Variants in DNAH7 observed in about 807,000 individuals in gnomAD.
DNAH7 encodes the protein axonemal beta dynein heavy chain 7.
Under a neutral mutation model 444.6 loss-of-function variants are expected in DNAH7, and 397 were observed. The observed-to-expected ratio is 0.89, with a 90% CI of 0.82 to 0.97. DNAH7 has a LOEUF of 0.97. DNAH7 is among the 50% of genes least tolerant of loss of function. The pLI, the probability that DNAH7 is intolerant of heterozygous loss-of-function variation, is 0.00. For synonymous variants in DNAH7, 1,636 were observed against 1,624.4 expected (o/e 1.01, Z -0.17); for missense variants, 4,902 against 4,800.8 (o/e 1.02, Z -0.62).
intron 27 of DNAH7, 105 bp downstream of exon 27, chr2:195,906,554 A>G (rs1687035291): frequency 8.8e-7 from 1 of 1,135,172 alleles, no homozygotes; most frequent in Non-Finnish European, 1.2e-6. Flanking sequence ...TCAGCCTCCT[A>G]AAGTGCTAGG....
At chr2:195,824,013 A>G (rs987372717) in intron 49 of DNAH7, among the ~76,000 whole-genome samples, 5 of 152,234 alleles carry the variant, frequency 3.3e-5, no homozygotes, top group Non-Finnish European at 7.3e-5. Flanking sequence ...TCTAAGAATC[A>G]TATCAATTGT....
intron 63 of DNAH7, among the ~76,000 whole-genome samples, chr2:195,743,873 C>T (rs142923013): frequency 4.3e-4 from 65 of 152,262 alleles, no homozygotes; most frequent in African/African-American, 1.4e-3. Context: ...AAGCCTGCAC[C>T]GGACACCTTT....
chr2:195,979,075 A>C (rs1190017574), intron 15 of DNAH7, among the ~76,000 whole-genome samples: 3 of 152,282 alleles, frequency 2.0e-5, no homozygotes, highest in South Asian at 2.1e-4. Context: ...TCATACAAAA[A>C]AATAAACAAA....
At chr2:196,011,620 T>C (rs73987657) in intron 10 of DNAH7, among the ~76,000 whole-genome samples, 6,514 of 152,198 alleles carry the variant, frequency 0.043, 321 homozygotes, top group African/African-American at 0.12. Flanking sequence ...TAATTGTTTC[T>C]CCTCTGTGAG....
rs565911678 is a variant in DNAH7 at position 195,793,003 on chromosome 2, C to T, written c.10716+1335G>A. ...GGAGTGCAGTGGGATGATCATGGCT[C>T]ACTGCAGCCTTAAACTCCTGGGCTC... On this transcript the variant is annotated intron_variant, in intron 57 of 64. Coordinates refer to ENST00000312428, the MANE Select transcript of DNAH7 (RefSeq NM_018897.3). 8.5e-4 allele frequency among the ~76,000 whole-genome samples: 130 copies of T among 152,244 alleles called. No individual in the cohort carries two copies. The Middle Eastern group carries it at 0.01, about 12-fold the overall frequency.
intron 15 of DNAH7, among the ~76,000 whole-genome samples, chr2:195,975,306 G>A (rs1035882819): frequency 6.6e-6 from 1 of 151,860 alleles, no homozygotes; most frequent in Non-Finnish European, 1.5e-5. Flanking sequence ...GGGAGAGTGG[G>A]ACTTTGTGTT....
intron 1 of DNAH7, 118 bp downstream of exon 1, chr2:196,068,579 C>G: frequency 7.4e-7 from 1 of 1,357,706 alleles, no homozygotes. Context: ...GTGAAGGAAG[C>G]TGTACACCGC....
chr2:195,954,074 C>T lies in DNAH7; in HGVS notation c.3078+3187G>A, dbSNP rs13429734. 2.5e-3 allele frequency among the ~76,000 whole-genome samples: 379 copies of T among 152,186 alleles called. 1 individual carries two copies. The highest frequency in any genetic ancestry group is 8.5e-3 in the African/African-American group (355 of 41,522). On this transcript the variant is annotated intron_variant, in intron 19 of 64. Coordinates refer to ENST00000312428, the MANE Select transcript of DNAH7 (RefSeq NM_018897.3). ...TAAGTTCTAGGGTACATGTGCACAA[C>T]ATGCAGGTTTGTTACATATGTATAC...
chr2:195,965,375 TTTG>T (rs1185845461), intron 17 of DNAH7, among the ~76,000 whole-genome samples: 1 of 152,212 alleles, frequency 6.6e-6, no homozygotes, highest in Non-Finnish European at 1.5e-5. Flanking sequence ...TTGCCAGTAT[TTTG>T]TTGAGGATTT....
intron 19 of DNAH7, among the ~76,000 whole-genome samples, chr2:195,950,107 C>T (rs1690117901): frequency 6.6e-6 from 1 of 152,156 alleles, no homozygotes; most frequent in Admixed American, 6.5e-5. Context: ...CAGGATGATG[C>T]TGGCCTCATA....
intron 22 of DNAH7, 124 bp downstream of exon 22, chr2:195,926,302 G>A (rs1368134386): frequency 4.7e-6 from 4 of 850,422 alleles, no homozygotes; most frequent in African/African-American, 3.5e-5. Flanking sequence ...CTGTAATTTG[G>A]CTTGCAGCAT....
chr2:195,740,695 C>A (rs1053505854), intron 64 of DNAH7, 71 bp downstream of exon 64: 2 of 442,368 alleles, frequency 4.5e-6, no homozygotes, highest in African/African-American at 2.2e-5. Context: ...AATATGGGGT[C>A]TATTTTATAT....
At chr2:195,894,483 G>A (rs1398241689) in intron 30 of DNAH7, 3 of 152,254 alleles carry the variant, frequency 2.0e-5, no homozygotes, top group Non-Finnish European at 2.9e-5. Flanking sequence ...ATTAGTTGAA[G>A]TATTTAAAAC....
At chr2:195,953,101 T>A (rs1690382408) in intron 19 of DNAH7, among the ~76,000 whole-genome samples, 1 of 152,156 alleles carries the variant, frequency 6.6e-6, no homozygotes, top group African/African-American at 2.4e-5. Flanking sequence ...GCTGGTGACC[T>A]TCGGATGGGG....
At chr2:195,969,184 A>G (rs1691679853) in intron 17 of DNAH7, among the ~76,000 whole-genome samples, 1 of 152,230 alleles carries the variant, frequency 6.6e-6, no homozygotes, top group South Asian at 2.1e-4. Flanking sequence ...TGGGGGGAGC[A>G]ATCAGTGGAG....
chr2:195,787,030 T>G lies in DNAH7; in HGVS notation c.10858A>C (p.Met3620Leu), dbSNP rs1695653541. The G allele has an allele frequency of 6.3e-7, 1 of 1,596,956 alleles. No homozygotes were observed. The highest frequency in any genetic ancestry group is 8.5e-7 in the Non-Finnish European group (1 of 1,175,004). ...DLRISVQQLH[M>L]FLNQYEELPY... The stretch of plus-strand genomic sequence containing the variant: ...GATACCTCATACTGGTTCAGGAACA[T>G]GTGGAGCTGCTGTACGCTGATTCTC... The change falls in exon 58 of 65, where the codon ATG becomes CTG. Residue 3620 changes from methionine (M) to leucine (L), a missense_variant. Physicochemically the swap from Met to Leu is conservative, Grantham distance 15. Transcript: ENST00000312428.
chr2:195,806,020 T>C (rs1482192648), intron 54 of DNAH7, among the ~76,000 whole-genome samples: 1 of 152,076 alleles, frequency 6.6e-6, no homozygotes. Flanking sequence ...ATATAAGTTT[T>C]GAAATATTTA....
At chr2:195,922,664 T>C (rs1356901401) in intron 23 of DNAH7, among the ~76,000 whole-genome samples, 3 of 152,044 alleles carry the variant, frequency 2.0e-5, no homozygotes, top group African/African-American at 7.2e-5. Context: ...TCCCACCCCA[T>C]ACCTCCCAAG....
chr2:196,019,322 C>T lies in DNAH7; in HGVS notation c.744-27G>A. ...TGAAAACAAAGAAAATATTTAGTTA[C>T]AGTCTCAAAAAAAGTATTTTTATAG... is the stretch of plus-strand genomic sequence containing the variant. On this transcript the variant is annotated intron_variant, in intron 8 of 64. Transcript: ENST00000312428. 2.1e-6 allele frequency: 3 copies of T among 1,439,096 alleles called. No individual in the cohort carries two copies. In the South Asian group the frequency reaches 5.0e-5, roughly 24 times the overall value. 89.1% of individuals were successfully genotyped at this position (1,439,096 alleles called of 1,614,324 possible).
Sources: allele counts gnomAD v4.1 joint callset (sites outside exome capture counted in the v4.1 genomes callset), GRCh38; gene constraint gnomAD v4.1.1; transcripts MANE v1.5; gene names NCBI Gene and HGNC (gene_info 2026-07-23, HGNC 2026-07-21).